Variants in SLC38A4 observed in about 807,000 individuals in gnomAD.
The protein encoded by SLC38A4 is sodium-coupled neutral amino acid transporter 4.
A neutral mutation model predicts 63.1 loss-of-function variants in SLC38A4; 20 were observed. That is an observed-to-expected ratio of 0.32 (90% confidence interval 0.22 to 0.46). SLC38A4 has a LOEUF of 0.46. SLC38A4 is among the 20% of genes least tolerant of loss of function. The pLI is 1.00. For missense variants in SLC38A4, 526 were observed against 663.6 expected (o/e 0.79, Z 2.28); for synonymous variants, 230 against 225.5 (o/e 1.02, Z -0.18).
Position 46,766,504 on chromosome 12 carries a change from T to C in SLC38A4, c.*197A>G, listed in dbSNP as rs1394719475. The stretch of plus-strand genomic sequence containing the variant: ...GAAATGTGCACCACAGGTTTTATTT[T>C]AAACACATACACAACCATCCTTGAC... On this transcript the variant is annotated 3_prime_UTR_variant, in exon 17 of 17. Coordinates refer to ENST00000266579, the MANE Select transcript of SLC38A4 (RefSeq NM_018018.5). The C allele has an allele frequency of 1.5e-6, 1 of 666,020 alleles. No individual in the cohort carries two copies. Among genetic ancestry groups the C allele is most frequent in the Non-Finnish European group, 2.8e-6 (1 of 361,364 alleles). The allele number at this position is 666,020 out of a possible 1,614,324, so 41.3% of individuals were successfully genotyped here. A position where few individuals can be genotyped will look rare whatever the true frequency, so the allele number is the denominator to read the frequency against.
intron 5 of SLC38A4, among the ~76,000 whole-genome samples, chr12:46,787,363 C>T (rs921573957): frequency 6.6e-6 from 1 of 152,010 alleles, no homozygotes; most frequent in Non-Finnish European, 1.5e-5. Context: ...TGATTTGCCC[C>T]AGTCATGGAG....
At position 46,776,995 on chromosome 12, in the gene SLC38A4, C is replaced by G; in HGVS notation, c.1083G>C (p.Arg361=). The G allele has an allele frequency of 6.2e-7, 1 of 1,610,956 alleles. No homozygotes were observed. The highest frequency in any genetic ancestry group is 8.5e-7 in the Non-Finnish European group (1 of 1,178,232). Residue 361 remains arginine (R), a synonymous_variant, in exon 13 of 17, where the codon CGG becomes CGC. Transcript: ENST00000266579. ...PIYSELKDRS[R]RKMQTVSNIS... ...TATTTGACACCGTTTGCATTTTTCT[C>G]CGGGACCGACTGGAAAAAGAAAGAA... is the stretch of plus-strand genomic sequence containing the variant.
At chr12:46,816,900 A>T (rs917551567) in intron 1 of SLC38A4, among the ~76,000 whole-genome samples, 1 of 151,872 alleles carries the variant, frequency 6.6e-6, no homozygotes, top group Non-Finnish European at 1.5e-5. Flanking sequence ...AAAAATTCAG[A>T]AAGTAACTAT....
intron 3 of SLC38A4, among the ~76,000 whole-genome samples, chr12:46,789,160 C>T (rs1938828000): frequency 6.6e-6 from 1 of 151,352 alleles, no homozygotes. Context: ...CATTCTCCCC[C>T]TGGCATCAAG....
At chr12:46,797,968 A>G (rs1939051920) in intron 2 of SLC38A4, among the ~76,000 whole-genome samples, 1 of 152,168 alleles carries the variant, frequency 6.6e-6, no homozygotes, top group Non-Finnish European at 1.5e-5. Flanking sequence ...CCAGTTCTTT[A>G]CAAAGTCTGG....
intron 13 of SLC38A4, 35 bp downstream of exon 13, chr12:46,776,869 T>A (rs1264224126): frequency 1.3e-6 from 2 of 1,583,188 alleles, no homozygotes; most frequent in Middle Eastern, 1.7e-4. Flanking sequence ...CTAACAAGGA[T>A]TTGCATATAG....
Position 46,766,145 on chromosome 12 carries a change from GA to G in SLC38A4, c.*555del, listed in dbSNP as rs1255754939. 4.5e-6 allele frequency: 1 copy of G among 223,392 alleles called. No homozygotes were observed. Among genetic ancestry groups the G allele is most frequent in the Admixed American group, 5.2e-5 (1 of 19,334 alleles). 13.8% of individuals were successfully genotyped at this position (223,392 alleles called of 1,614,324 possible). On this transcript the variant is annotated 3_prime_UTR_variant, in exon 17 of 17. Coordinates refer to ENST00000266579, the MANE Select transcript of SLC38A4 (RefSeq NM_018018.5). ...AATATTATTTTGCTGTTGACAATAA[GA>G]TGCTCTAGACTGGTGTTTGACCATT... is the stretch of plus-strand genomic sequence containing the variant.
chr12:46,775,166 A>T lies in SLC38A4; in HGVS notation c.1182T>A (p.Val394=). 6.2e-7 allele frequency: 1 copy of T among 1,611,558 alleles called. No homozygotes were observed. Among genetic ancestry groups the T allele is most frequent in the Non-Finnish European group, 8.5e-7 (1 of 1,178,570 alleles). The change falls in exon 14 of 17, where the codon GTT becomes GTA. Residue 394 remains valine (V), a synonymous_variant. Transcript: ENST00000266579. The part of the protein sequence containing the change: ...LFGYLTFYGE[V]EDELLHAYSK... ...TGTAGGCATGAAGTAATTCATCTTC[A>T]ACTTCTCCTACAACAGGAAAAAGAG...
intron 1 of SLC38A4, among the ~76,000 whole-genome samples, chr12:46,822,755 A>G (rs1460545469): frequency 1.3e-5 from 2 of 152,190 alleles, no homozygotes; most frequent in Non-Finnish European, 2.9e-5. Flanking sequence ...ACAACAAACA[A>G]GAGTCTACTT....
chr12:46,829,425 T>C (rs1939701067), upstream of SLC38A4, among the ~76,000 whole-genome samples: 1 of 139,138 alleles, frequency 7.2e-6, no homozygotes, highest in Non-Finnish European at 1.5e-5. Flanking sequence ...TAGAAATATT[T>C]GCTTTGGATA....
chr12:46,803,375 T>C (rs978562699), intron 2 of SLC38A4, among the ~76,000 whole-genome samples: 1 of 152,070 alleles, frequency 6.6e-6, no homozygotes, highest in African/African-American at 2.4e-5. Flanking sequence ...CCTAATTTTA[T>C]GTTAAACCTA....
chr12:46,822,526 C>A (rs1485055810), intron 1 of SLC38A4, among the ~76,000 whole-genome samples: 1 of 152,156 alleles, frequency 6.6e-6, no homozygotes, highest in Non-Finnish European at 1.5e-5. Context: ...CACTGTCTAA[C>A]TTCTGAGCCC....
chr12:46,829,652 T>A (rs1257093100), upstream of SLC38A4, among the ~76,000 whole-genome samples: 1 of 152,138 alleles, frequency 6.6e-6, no homozygotes, highest in Non-Finnish European at 1.5e-5. Context: ...TAGAAAAAAG[T>A]CCAGTCCTAA....
At chr12:46,810,309 T>G (rs1939314146) in intron 1 of SLC38A4, among the ~76,000 whole-genome samples, 1 of 151,868 alleles carries the variant, frequency 6.6e-6, no homozygotes, top group Non-Finnish European at 1.5e-5. Context: ...AAGATTATGT[T>G]GTTCTCACTC....
intron 1 of SLC38A4, among the ~76,000 whole-genome samples, chr12:46,822,779 A>AT (rs1384363714): frequency 6.6e-6 from 1 of 152,184 alleles, no homozygotes; most frequent in Admixed American, 6.5e-5. Context: ...CTAAAATAGA[A>AT]TGTTTGTATA....
Position 46,766,739 on chromosome 12 carries a change from C to G in SLC38A4, c.1606G>C (p.Asp536His), listed in dbSNP as rs1938308849. 6.2e-7 allele frequency: 1 copy of G among 1,611,906 alleles called. No individual in the cohort carries two copies. The change falls in exon 17 of 17, where the codon GAC becomes CAC. Residue 536 changes from aspartate (D) to histidine (H), a missense_variant. Coordinates refer to ENST00000266579, the MANE Select transcript of SLC38A4 (RefSeq NM_018018.5). ...GAATTTGGAGGATCATAAATCCAGTCAATTATAATGAGTGCCATGCTTCCA... is the reference window on the plus strand; with the variant it reads ...GAATTTGGAGGATCATAAATCCAGTGAATTATAATGAGTGCCATGCTTCCA... ...MIGSMALIIIDWIYDPPNSKH... is the reference protein window; with the variant it reads ...MIGSMALIIIHWIYDPPNSKH...
intron 6 of SLC38A4, 46 bp from the exon 7 acceptor site, chr12:46,784,680 G>A: frequency 6.9e-7 from 1 of 1,444,204 alleles, no homozygotes; most frequent in African/African-American, 1.4e-5. Flanking sequence ...TTGTTTTAAT[G>A]ACTAAAATAT....
rs1232511893 is a variant in SLC38A4 at position 46,825,937 on chromosome 12, C to A, written c.-339G>T. ...TGGGGTGTCCCGAGGCGGCAGCCTC[C>A]CGCGATCCTCCGTGCACGCCACCAC... On this transcript the variant is annotated 5_prime_UTR_variant, in exon 1 of 17. Coordinates refer to ENST00000266579, the MANE Select transcript of SLC38A4 (RefSeq NM_018018.5). 1 of 152,506 alleles carries A rather than the reference C, an allele frequency of 6.6e-6. No homozygotes were observed. Among genetic ancestry groups the A allele is most frequent in the Non-Finnish European group, 1.5e-5 (1 of 68,278 alleles). 9.4% of individuals were successfully genotyped at this position (152,506 alleles called of 1,614,324 possible). A position where few individuals can be genotyped will look rare whatever the true frequency, so the allele number is the denominator to read the frequency against.
chr12:46,793,357 A>G (rs750704728), intron 2 of SLC38A4, among the ~76,000 whole-genome samples, 174 bp from the exon 3 acceptor site: 1 of 152,194 alleles, frequency 6.6e-6, no homozygotes, highest in Non-Finnish European at 1.5e-5. Flanking sequence ...AAAGGAAGAA[A>G]TGGAAGAGAA....
Sources: allele counts gnomAD v4.1 joint callset (sites outside exome capture counted in the v4.1 genomes callset), GRCh38; gene constraint gnomAD v4.1.1; transcripts MANE v1.5; gene names NCBI Gene and HGNC (gene_info 2026-07-23, HGNC 2026-07-21).